Variants in SEL1L observed in about 807,000 individuals in gnomAD.
SEL1L encodes protein sel-1 homolog 1.
Under a neutral mutation model 109.8 loss-of-function variants are expected in SEL1L, and 52 were observed. The ratio of observed to expected loss-of-function variants is 0.47; its 90% CI spans 0.38 to 0.60. SEL1L has a LOEUF of 0.60. SEL1L is among the 20% of genes least tolerant of loss of function. The pLI is 0.00. For missense variants in SEL1L, 749 were observed against 962.2 expected (o/e 0.78, Z 2.93); for synonymous variants, 373 against 339.6 (o/e 1.10, Z -1.08).
chr14:81,490,891 A>C (rs1883515901), intron 12 of SEL1L, among the ~76,000 whole-genome samples: 2 of 152,218 alleles, frequency 1.3e-5, no homozygotes, highest in South Asian at 4.1e-4. Flanking sequence ...ACAAAGCAAG[A>C]CCTCATATCA....
chr14:81,497,962 C>T lies in SEL1L; in HGVS notation c.1058G>A (p.Ser353Asn), dbSNP rs1365421995. The T allele has an allele frequency of 1.2e-6, 2 of 1,614,040 alleles. No homozygotes were observed. The highest frequency in any genetic ancestry group is 8.5e-7 in the Non-Finnish European group (1 of 1,179,926). The stretch of plus-strand genomic sequence containing the variant: ...AATCAAATCTTCTTCTAGCATTCCA[C>T]TGTTCATTCCTGGATTTTCCACTTC... Reference protein sequence around the residue: ...PDEVENPGMNSGMLEEDLIQY... With the variant: ...PDEVENPGMNNGMLEEDLIQY... Residue 353 changes from serine to asparagine, a missense_variant, in exon 10 of 21, where the codon AGT becomes AAT. Around this residue, in one of 2 missense-constraint regions of SEL1L, gnomAD observed 383 missense variants for 562.5 expected, o/e 0.68. Transcript: ENST00000336735.
rs78523841 is a variant in SEL1L at position 81,509,880 on chromosome 14, A to G, written c.341-3639T>C. Among the ~76,000 whole-genome samples, 31 of 152,364 alleles carry G rather than the reference A, an allele frequency of 2.0e-4. No homozygotes were observed. In the Middle Eastern group the frequency reaches 0.014, roughly 67 times the overall value. On this transcript the variant is annotated intron_variant, in intron 3 of 20. Coordinates refer to ENST00000336735, the MANE Select transcript of SEL1L (RefSeq NM_005065.6). ...AGATTATGTACAAGAGAATACTTGT[A>G]CAGTATCCTAATTTTAAAAACATAA...
intron 3 of SEL1L, among the ~76,000 whole-genome samples, chr14:81,510,472 ATCTCTCTCTC>A (rs374089460): frequency 1.6e-3 from 189 of 118,920 alleles, no homozygotes; most frequent in East Asian, 2.8e-3. Context: ...TAGAATGCTG[ATCTCTCTCTC>A]TCTCTCTCTC....
rs1883555479 is a variant in SEL1L, at chr14:81,492,013, T to C, written c.1254+467A>G. On this transcript the variant is annotated intron_variant, in intron 12 of 20. Transcript: ENST00000336735. ...TAATTTCAATGAAGAATTAACATAC[T>C]GATGAGCAAACACTATTTTTTTTTT... Among the ~76,000 whole-genome samples the C allele has an allele frequency of 2.0e-5, 3 of 152,194 alleles. No individual in the cohort carries two copies. The South Asian group carries it at 6.2e-4, about 32-fold the overall frequency.
chr14:81,485,620 C>T, intron 18 of SEL1L, 52 bp downstream of exon 18: 1 of 1,449,972 alleles, frequency 6.9e-7, no homozygotes, highest in South Asian at 1.1e-5. Context: ...GGGAGATAAA[C>T]AACATAGGGA....
At chr14:81,500,615 T>A (rs116350131) in intron 6 of SEL1L, among the ~76,000 whole-genome samples, 4,676 of 152,206 alleles carry the variant, frequency 0.031, 248 homozygotes, top group African/African-American at 0.11. Context: ...TGAATACATG[T>A]AAACATGACT....
chr14:81,499,077 G>A (rs1385775961), intron 8 of SEL1L: 1 of 900,136 alleles, frequency 1.1e-6, no homozygotes. Flanking sequence ...AATATTTCAT[G>A]TTGTTTTTCT....
intron 3 of SEL1L, among the ~76,000 whole-genome samples, chr14:81,513,213 G>A (rs1884559157): frequency 6.6e-6 from 1 of 152,206 alleles, no homozygotes; most frequent in East Asian, 1.9e-4. Flanking sequence ...GGACCAATTA[G>A]CAGGACATGG....
chr14:81,481,319 G>T (rs929393585), intron 19 of SEL1L, among the ~76,000 whole-genome samples: 3 of 152,132 alleles, frequency 2.0e-5, no homozygotes, highest in African/African-American at 7.2e-5. Context: ...GACCAAAAAT[G>T]ACTCCCCCTC....
At chr14:81,491,347 G>A (rs1883531002) in intron 12 of SEL1L, among the ~76,000 whole-genome samples, 1 of 152,056 alleles carries the variant, frequency 6.6e-6, no homozygotes, top group Non-Finnish European at 1.5e-5. Flanking sequence ...AAAACAGAAT[G>A]GTCAAGACTG....
intron 3 of SEL1L, among the ~76,000 whole-genome samples, chr14:81,508,018 A>G (rs76161382): frequency 0.027 from 4,096 of 152,278 alleles, 181 homozygotes; most frequent in African/African-American, 0.094. Flanking sequence ...GCAAAGACTG[A>G]CTGAGATAAT....
intron 1 of SEL1L, among the ~76,000 whole-genome samples, chr14:81,532,515 G>A (rs1331226693): frequency 2.0e-5 from 3 of 152,176 alleles, no homozygotes; most frequent in African/African-American, 7.2e-5. Context: ...ACTGGAGGGA[G>A]GGGAGTGGAC....
Position 81,490,384 on chromosome 14 carries a change from T to C in SEL1L, c.1332+4A>G, listed in dbSNP as rs1883492402. The C allele has an allele frequency of 6.2e-7, 1 of 1,606,928 alleles. No homozygotes were observed. Among genetic ancestry groups the C allele is most frequent in the African/African-American group, 1.3e-5 (1 of 74,732 alleles). On this transcript the variant is annotated splice_donor_region_variant and intron_variant, in intron 13 of 20. Coordinates refer to ENST00000336735, the MANE Select transcript of SEL1L (RefSeq NM_005065.6). Reference sequence around the variant, plus strand: ...CATTTCAGTACACTGAGACAAAGCCTTACCATGTCAGCAGCTTTCTTAAAG... The same window carrying C: ...CATTTCAGTACACTGAGACAAAGCCCTACCATGTCAGCAGCTTTCTTAAAG...
intron 3 of SEL1L, among the ~76,000 whole-genome samples, chr14:81,524,518 G>A (rs1463921254): frequency 1.3e-5 from 2 of 152,290 alleles, no homozygotes; most frequent in Admixed American, 6.5e-5. Context: ...TCCAAAACGT[G>A]GGAAACTGTA....
At chr14:81,521,132 A>G (rs1213653740) in intron 3 of SEL1L, among the ~76,000 whole-genome samples, 1 of 152,204 alleles carries the variant, frequency 6.6e-6, no homozygotes, top group Non-Finnish European at 1.5e-5. Context: ...TCTTGCCTGT[A>G]ATATTTAATT....
At chr14:81,485,595 T>A (rs972555352) in intron 18 of SEL1L, 77 bp downstream of exon 18, 12 of 1,264,112 alleles carry the variant, frequency 9.5e-6, no homozygotes, top group Middle Eastern at 1.9e-4. Flanking sequence ...CTCGGCTTCA[T>A]GATTTAATGT....
chr14:81,525,127 G>T (rs982073153), intron 3 of SEL1L, among the ~76,000 whole-genome samples: 2 of 151,970 alleles, frequency 1.3e-5, no homozygotes, highest in African/African-American at 4.8e-5. Context: ...AATATTCTAG[G>T]AAAGAAAAAA....
chr14:81,476,292 A>T lies in SEL1L; in HGVS notation c.*680T>A, dbSNP rs1360979912. On this transcript the variant is annotated 3_prime_UTR_variant, in exon 21 of 21. Transcript: ENST00000336735. ...AGTATATTCCATTCCAAAGAAGTAA[A>T]GCTCACAAAAAACTCCTTAACAAGG... The T allele has an allele frequency of 6.6e-6, 1 of 152,194 alleles. No homozygotes were observed. The highest frequency in any genetic ancestry group is 2.4e-5 in the African/African-American group (1 of 41,450). 9.4% of individuals were successfully genotyped at this position (152,194 alleles called of 1,614,324 possible). A position where few individuals can be genotyped will look rare whatever the true frequency, so the allele number is the denominator to read the frequency against.
chr14:81,477,071 C>T lies in SEL1L; in HGVS notation c.2286G>A (p.Arg762=). The change falls in exon 21 of 21, where the codon AGG becomes AGA. Residue 762 remains arginine (R), a synonymous_variant. Coordinates refer to ENST00000336735, the MANE Select transcript of SEL1L (RefSeq NM_005065.6). ...CAGGCATGTCTTGGTGCTGCCTTTGCCTGTAAGCTATGACTGTTCCCAACA... is the reference window on the plus strand; with the variant it reads ...CAGGCATGTCTTGGTGCTGCCTTTGTCTGTAAGCTATGACTGTTCCCAACA... ...ALLLGTVIAY[R]QRQHQDMPAP... 6.2e-7 allele frequency: 1 copy of T among 1,614,170 alleles called. No homozygotes were observed. Among genetic ancestry groups the T allele is most frequent in the Non-Finnish European group, 8.5e-7 (1 of 1,180,036 alleles).
Sources: allele counts gnomAD v4.1 joint callset (sites outside exome capture counted in the v4.1 genomes callset), GRCh38; gene constraint gnomAD v4.1.1; regional missense constraint gnomAD v4.1.1; transcripts MANE v1.5; gene names NCBI Gene and HGNC (gene_info 2026-07-23, HGNC 2026-07-21).